Variants in KLF8 observed in about 807,000 individuals in gnomAD.
The protein encoded by KLF8 is Krueppel-like factor 8.
Under a neutral mutation model 18.2 loss-of-function variants are expected in KLF8, and 10 were observed. The ratio of observed to expected loss-of-function variants is 0.55; its 90% CI spans 0.34 to 0.93. The LOEUF is 0.93. Ranked by LOEUF, KLF8 falls within the 40% of genes least tolerant of loss-of-function variation. The probability of loss-of-function intolerance (pLI) is 0.02; values close to 1 mark genes in which losing one functional copy is unlikely to be tolerated. For missense variants in KLF8, 264 were observed against 277.9 expected, an observed-to-expected ratio of 0.95 and a Z score of 0.36; for synonymous variants, 109 against 97.3, an observed-to-expected ratio of 1.12 and a Z score of -0.71.
At chrX:56,067,381 A>G in the KLF8 span, among the ~76,000 whole-genome samples, 1 of 109,896 alleles carries the variant, frequency 9.1e-6, no homozygotes, top group Admixed American at 9.6e-5. Context: ...GGAACTCAGA[A>G]TGGTTTTGGA....
At chrX:56,270,408 G>C (rs887022711) in intron 5 of KLF8, 87 bp downstream of exon 5, 8 of 796,608 alleles carry the variant, frequency 1.0e-5, no homozygotes, top group African/African-American at 8.5e-5. Context: ...GAGGGGCAGA[G>C]AGAGAGAGAG....
At chrX:56,082,767 C>G in the KLF8 span, among the ~76,000 whole-genome samples, 1 of 111,375 alleles carries the variant, frequency 9.0e-6, no homozygotes, top group Non-Finnish European at 1.9e-5. Context: ...TCTTACGGTA[C>G]AATTTCCCAT....
At chrX:56,223,884 C>A in the KLF8 span, among the ~76,000 whole-genome samples, 1 of 111,637 alleles carries the variant, frequency 9.0e-6, no homozygotes, top group South Asian at 3.8e-4. Context: ...TTTTGTAGAT[C>A]ACATTAAGAG....
the KLF8 span, among the ~76,000 whole-genome samples, chrX:56,050,589 T>A: frequency 1.8e-5 from 2 of 112,425 alleles, no homozygotes; most frequent in Admixed American, 9.4e-5. Context: ...TCAGTGAGAT[T>A]CTTAATCCTG....
At chrX:55,926,093 A>G in the KLF8 span, among the ~76,000 whole-genome samples, 2 of 111,877 alleles carry the variant, frequency 1.8e-5, no homozygotes, top group African/African-American at 3.3e-5. Context: ...AGTTGATAAT[A>G]TTTGTGGTCA....
chrX:56,228,213 A>G (rs993301457), upstream of KLF8, among the ~76,000 whole-genome samples: 1 of 112,335 alleles, frequency 8.9e-6, no homozygotes, highest in African/African-American at 3.2e-5. Context: ...AAGAGACTCA[A>G]CCTAAAGCTG....
the KLF8 span, among the ~76,000 whole-genome samples, chrX:56,130,015 T>A: frequency 9.3e-6 from 1 of 108,008 alleles, no homozygotes; most frequent in African/African-American, 3.4e-5. Flanking sequence ...CACAGCAGCC[T>A]CAGTAAGCCA....
At chrX:55,957,313 T>C in the KLF8 span, among the ~76,000 whole-genome samples, 1 of 112,250 alleles carries the variant, frequency 8.9e-6, no homozygotes, top group African/African-American at 3.2e-5. Flanking sequence ...AGGTTTGAAA[T>C]CAGGAACTGT....
chrX:56,054,605 G>A, the KLF8 span, among the ~76,000 whole-genome samples: 1 of 111,622 alleles, frequency 9.0e-6, no homozygotes, highest in Non-Finnish European at 1.9e-5. Flanking sequence ...ATCAGGTCCA[G>A]TTAAGCTAGT....
chrX:55,932,723 C>G, the KLF8 span, among the ~76,000 whole-genome samples: 2 of 112,051 alleles, frequency 1.8e-5, no homozygotes, highest in East Asian at 2.8e-4. Context: ...TGTAGAGTTT[C>G]TGCAGAGAGA....
At chrX:56,157,990 C>T in the KLF8 span, among the ~76,000 whole-genome samples, 1 of 111,942 alleles carries the variant, frequency 8.9e-6, no homozygotes, top group African/African-American at 3.2e-5. Flanking sequence ...ATGGTATTGC[C>T]TAGGTTTCCT....
At chrX:56,081,592 T>C in the KLF8 span, among the ~76,000 whole-genome samples, 1 of 112,260 alleles carries the variant, frequency 8.9e-6, no homozygotes, top group Non-Finnish European at 1.9e-5. Flanking sequence ...TTCACTTTTG[T>C]GTATGATTTA....
the KLF8 span, among the ~76,000 whole-genome samples, chrX:56,172,361 G>T: frequency 1.8e-5 from 2 of 110,718 alleles, no homozygotes; most frequent in Admixed American, 9.7e-5. Flanking sequence ...GCACTGTTTG[G>T]TTTTTTGTCC....
the KLF8 span, among the ~76,000 whole-genome samples, chrX:56,126,155 A>G: frequency 1.8e-5 from 2 of 111,796 alleles, no homozygotes; most frequent in South Asian, 3.8e-4. Flanking sequence ...TACAATGGCT[A>G]TCACCAACCT....
chrX:55,947,898 T>G, the KLF8 span, among the ~76,000 whole-genome samples: 1 of 112,418 alleles, frequency 8.9e-6, no homozygotes, highest in South Asian at 3.7e-4. Context: ...ACATAACTTT[T>G]TCTCATGAAA....
the KLF8 span, among the ~76,000 whole-genome samples, chrX:56,000,661 G>A: frequency 2.7e-5 from 3 of 110,341 alleles, no homozygotes; most frequent in Non-Finnish European, 5.7e-5. Flanking sequence ...TCAGATGATC[G>A]GTTGTATTTC....
chrX:56,210,476 C>T, the KLF8 span, among the ~76,000 whole-genome samples: 1 of 111,237 alleles, frequency 9.0e-6, no homozygotes, highest in Admixed American at 9.6e-5. Context: ...TTTCGTTATC[C>T]TTAACTTTTG....
intron 5 of KLF8, among the ~76,000 whole-genome samples, chrX:56,278,482 C>T (rs1041300135): frequency 7.2e-5 from 8 of 111,172 alleles, no homozygotes; most frequent in Non-Finnish European, 1.3e-4. Flanking sequence ...CCTCACGACT[C>T]TGAATGATGC....
the KLF8 span, among the ~76,000 whole-genome samples, chrX:56,177,192 G>A: frequency 9.0e-6 from 1 of 111,492 alleles, no homozygotes; most frequent in Non-Finnish European, 1.9e-5. Context: ...TTTTTAGAGT[G>A]TCCAGTTTTT....
Sources: gnomAD v4.1 joint callset for allele counts (sites outside exome capture counted in the v4.1 genomes callset) on GRCh38, gnomAD v4.1.1 for gene constraint, MANE v1.5 for transcripts, NCBI Gene and HGNC (gene_info 2026-07-23, HGNC 2026-07-21) for gene names.